Variants in FAM220A observed in about 807,000 individuals in gnomAD.
FAM220A encodes family with sequence similarity 220 member A, also known as protein FAM220A.
For missense variants in FAM220A, 392 were observed against 321.6 expected (o/e 1.22, Z -1.68); for synonymous variants, 141 against 130.7 (o/e 1.08, Z -0.54).
intron 1 of FAM220A, among the ~76,000 whole-genome samples, chr7:6,336,464 T>TGAGGTCAGGAGTTTGAGACCAGCCTGGCC (rs1781748870): frequency 6.6e-6 from 1 of 152,058 alleles, no homozygotes; most frequent in African/African-American, 2.4e-5. Context: ...GCAGATCTCT[T>TGAGGTCAGGAGTTTGAGACCAGCCTGGCC]GAGGTCAGGA....
Position 6,348,585 on chromosome 7 carries a change from G to A in FAM220A, c.-94C>T, listed in dbSNP as rs765053878. On this transcript the variant is annotated 5_prime_UTR_variant, in exon 1 of 2. In the 5' UTR this introduces an upstream ATG that the reference lacks. Coordinates refer to ENST00000313324, the MANE Select transcript of FAM220A (RefSeq NM_001037163.2). ...ACGGCTCACCCACCTGCAGGCGGAC[G>A]TTGAGCATCATGGAAGCCACGATGT... 6.8e-6 allele frequency: 3 copies of A among 441,706 alleles called. No individual in the cohort carries two copies. Among genetic ancestry groups the A allele is most frequent in the South Asian group, 5.1e-5 (1 of 19,726 alleles). 27.4% of individuals were successfully genotyped at this position (441,706 alleles called of 1,614,324 possible).
At chr7:6,343,158 C>G (rs928936231) in intron 1 of FAM220A, among the ~76,000 whole-genome samples, 1 of 151,506 alleles carries the variant, frequency 6.6e-6, no homozygotes, top group Non-Finnish European at 1.5e-5. Flanking sequence ...GGGTGGATCC[C>G]CTGAGGTCAG....
At chr7:6,335,539 ATG>A (rs1781728189) in intron 1 of FAM220A, among the ~76,000 whole-genome samples, 1 of 152,048 alleles carries the variant, frequency 6.6e-6, no homozygotes, top group African/African-American at 2.4e-5. Context: ...AGCCGTTAAT[ATG>A]TGAGAAAATA....
At chr7:6,334,539 C>T (rs1373657497) in intron 1 of FAM220A, among the ~76,000 whole-genome samples, 2 of 152,092 alleles carry the variant, frequency 1.3e-5, no homozygotes, top group Non-Finnish European at 2.9e-5. Flanking sequence ...AGGATCACAG[C>T]TTACTGCAAA....
Position 6,348,887 on chromosome 7 carries a change from G to A in FAM220A, c.-396C>T, listed in dbSNP as rs1407362355. Reference sequence around the variant, plus strand: ...GGCTAGACCGGCGGGCGGGCGGGCCGCAGTGGAGCGGAGTCCGCACGTCAC... The same window carrying A: ...GGCTAGACCGGCGGGCGGGCGGGCCACAGTGGAGCGGAGTCCGCACGTCAC... On this transcript the variant is annotated 5_prime_UTR_variant, in exon 1 of 2. Transcript: ENST00000313324. 1.2e-4 allele frequency: 46 copies of A among 387,830 alleles called. No individual in the cohort carries two copies. Among genetic ancestry groups the A allele is most frequent in the Admixed American group, 4.5e-5 (1 of 22,334 alleles). 24.0% of individuals were successfully genotyped at this position (387,830 alleles called of 1,614,324 possible).
chr7:6,348,783 C>G lies in FAM220A; in HGVS notation c.-292G>C, dbSNP rs954698952. The G allele has an allele frequency of 7.6e-6, 3 of 397,280 alleles. No individual in the cohort carries two copies. Among genetic ancestry groups the G allele is most frequent in the African/African-American group, 2.1e-5 (1 of 48,500 alleles). 24.6% of individuals were successfully genotyped at this position (397,280 alleles called of 1,614,324 possible). Reference sequence around the variant, plus strand: ...TATAGAGACCGGCGCTCCCACAGCCCCCCCGCCCGCCCTCTCCGCGCCGCG... The same window carrying G: ...TATAGAGACCGGCGCTCCCACAGCCGCCCCGCCCGCCCTCTCCGCGCCGCG... On this transcript the variant is annotated 5_prime_UTR_variant, in exon 1 of 2. Transcript: ENST00000313324.
chr7:6,330,956 T>C lies in FAM220A; in HGVS notation c.199A>G (p.Lys67Glu), dbSNP rs892896757. ...QSEALSLEMR[K>E]DPSGAGLWLH... ...CAGAGGCCAGCCCCGCTCGGATCCT[T>C]TCTCATTTCCAGTGATAATGCCTCA... Residue 67 changes from lysine (K) to glutamate (E), a missense_variant, in exon 2 of 2, where the codon AAG becomes GAG. Physicochemically the swap from Lys to Glu is moderately conservative, Grantham distance 56. Coordinates refer to ENST00000313324, the MANE Select transcript of FAM220A (RefSeq NM_001037163.2). The C allele has an allele frequency of 6.2e-7, 1 of 1,614,252 alleles. No individual in the cohort carries two copies. Among genetic ancestry groups the C allele is most frequent in the Non-Finnish European group, 8.5e-7 (1 of 1,180,046 alleles).
In FAM220A at chr7:6,348,663, C is replaced by T; in HGVS notation, c.-172G>A. 1 of 510,552 alleles carries T rather than the reference C, an allele frequency of 2.0e-6. No homozygotes were observed. The allele number at this position is 510,552 out of a possible 1,614,324, so 31.6% of individuals were successfully genotyped here. On this transcript the variant is annotated 5_prime_UTR_variant, in exon 1 of 2. Transcript: ENST00000313324. ...GCCAGGCCAGGTCGAAGAAGATGAG[C>T]AGCGTGCGAGTCAGCCCCTTGCAGA...
intron 1 of FAM220A, among the ~76,000 whole-genome samples, chr7:6,345,097 T>C (rs1781930622): frequency 2.6e-5 from 4 of 151,458 alleles, no homozygotes; most frequent in Non-Finnish European, 5.9e-5. Flanking sequence ...ATCAGATTTA[T>C]GGGAGGTTAT....
intron 1 of FAM220A, among the ~76,000 whole-genome samples, chr7:6,333,482 G>T (rs192050386): frequency 6.6e-6 from 1 of 152,142 alleles, no homozygotes; most frequent in Non-Finnish European, 1.5e-5. Flanking sequence ...AGGAGGGACA[G>T]ACTAAAGTTT....
In FAM220A at chr7:6,348,593, T is replaced by A. The variant is rs2065789983; in HGVS notation, c.-102A>T. On this transcript the variant is annotated 5_prime_UTR_variant, in exon 1 of 2. The change abolishes an upstream ATG in the 5' untranslated region. Coordinates refer to ENST00000313324, the MANE Select transcript of FAM220A (RefSeq NM_001037163.2). ...CCCACCTGCAGGCGGACGTTGAGCA[T>A]CATGGAAGCCACGATGTAGAGGTAG... 1 of 449,848 alleles carries A rather than the reference T, an allele frequency of 2.2e-6. No homozygotes were observed. Among genetic ancestry groups the A allele is most frequent in the Non-Finnish European group, 4.0e-6 (1 of 252,946 alleles). 27.9% of individuals were successfully genotyped at this position (449,848 alleles called of 1,614,324 possible). A position where few individuals can be genotyped will look rare whatever the true frequency, so the allele number is the denominator to read the frequency against.
chr7:6,337,325 A>T (rs1184692877), intron 1 of FAM220A, among the ~76,000 whole-genome samples: 2 of 151,608 alleles, frequency 1.3e-5, no homozygotes, highest in African/African-American at 4.8e-5. Context: ...TTTTACCATG[A>T]TGGCCAGGCT....
At chr7:6,333,195 A>C (rs1368410137) in intron 1 of FAM220A, among the ~76,000 whole-genome samples, 3 of 151,880 alleles carry the variant, frequency 2.0e-5, no homozygotes, top group African/African-American at 4.8e-5. Context: ...AAAACAAAAA[A>C]ACACTGGGGA....
chr7:6,339,486 T>C (rs532741366), intron 1 of FAM220A, among the ~76,000 whole-genome samples: 3 of 151,586 alleles, frequency 2.0e-5, no homozygotes, highest in East Asian at 3.9e-4. Context: ...GTACCCCTTT[T>C]TTTGTTTTTT....
At chr7:6,340,051 AT>A (rs1164576854) in intron 1 of FAM220A, among the ~76,000 whole-genome samples, 1 of 151,732 alleles carries the variant, frequency 6.6e-6, no homozygotes, top group African/African-American at 2.4e-5. Flanking sequence ...CACCCAGCTA[AT>A]TTTTGTATTT....
intron 1 of FAM220A, among the ~76,000 whole-genome samples, chr7:6,334,942 AT>A (rs935611472): frequency 5.5e-5 from 8 of 144,454 alleles, no homozygotes; most frequent in Non-Finnish European, 1.1e-4. Context: ...CCAATTTTGT[AT>A]TTTTAATAGA....
chr7:6,330,672 C>A lies in FAM220A; in HGVS notation c.483G>T (p.Val161=), dbSNP rs1171759549. ...RVSRLPRHQK[V]PEMGSFQDDP... ...CATCCTGAAAACTTCCCATTTCCGG[C>A]ACTTTTTGATGGCGTGGCAGTCGTG... The change falls in exon 2 of 2, where the codon GTG becomes GTT. Residue 161 remains valine (V), a synonymous_variant. Transcript: ENST00000313324. 6.2e-7 allele frequency: 1 copy of A among 1,614,086 alleles called. No individual in the cohort carries two copies. Among genetic ancestry groups the A allele is most frequent in the Non-Finnish European group, 8.5e-7 (1 of 1,180,018 alleles).
intron 1 of FAM220A, among the ~76,000 whole-genome samples, chr7:6,341,719 C>T (rs1489743927): frequency 6.6e-6 from 1 of 151,220 alleles, no homozygotes; most frequent in Non-Finnish European, 1.5e-5. Context: ...GAGTGCGCGC[C>T]AGGTGCAGTG....
Position 6,330,084 on chromosome 7 carries a change from C to T in FAM220A, c.*291G>A, listed in dbSNP as rs1362198660. 2.5e-5 allele frequency: 9 copies of T among 361,074 alleles called. No homozygotes were observed. The highest frequency in any genetic ancestry group is 4.2e-5 in the Non-Finnish European group (8 of 191,192). 22.4% of individuals were successfully genotyped at this position (361,074 alleles called of 1,614,324 possible). A position where few individuals can be genotyped will look rare whatever the true frequency, so the allele number is the denominator to read the frequency against. On this transcript the variant is annotated 3_prime_UTR_variant, in exon 2 of 2. Transcript: ENST00000313324. ...AGAATGGATGTTGAAGACAGAACTT[C>T]ATGGTAAATCCGTATGTTCTAATCT... is the stretch of plus-strand genomic sequence containing the variant.
Sources: allele counts gnomAD v4.1 joint callset (sites outside exome capture counted in the v4.1 genomes callset), GRCh38; gene constraint gnomAD v4.1.1; transcripts MANE v1.5; gene names NCBI Gene and HGNC (gene_info 2026-07-23, HGNC 2026-07-21).